GPC5: variants seen among roughly 807,000 people sequenced by gnomAD.
GPC5 encodes glypican 5.
A neutral mutation model predicts 53.9 loss-of-function variants in GPC5; 47 were observed. That is an observed-to-expected ratio of 0.87 (90% CI 0.69 to 1.11). The LOEUF (loss-of-function observed/expected upper bound fraction) is 1.11. Ranked by LOEUF, GPC5 falls within the 50% of genes most tolerant of loss-of-function variation. GPC5 has a pLI of 0.00. For synonymous variants in GPC5, 286 were observed against 263.3 expected (o/e 1.09, Z -0.84); for missense variants, 748 against 713.1 (o/e 1.05, Z -0.56).
At chr13:91,517,500 C>G (rs896341178) in intron 2 of GPC5, among the ~76,000 whole-genome samples, 1 of 152,156 alleles carries the variant, frequency 6.6e-6, no homozygotes, top group Non-Finnish European at 1.5e-5. Flanking sequence ...ATATCATTAT[C>G]AGCATTTTGG....
chr13:92,000,997 G>A (rs577102671), intron 6 of GPC5, among the ~76,000 whole-genome samples: 2 of 134,442 alleles, frequency 1.5e-5, no homozygotes, highest in Admixed American at 6.9e-5. Context: ...AGCTGTATTG[G>A]CTTTCACCAT....
chr13:92,557,540 T>C (rs375487237), intron 7 of GPC5, among the ~76,000 whole-genome samples: 2 of 152,022 alleles, frequency 1.3e-5, no homozygotes, highest in African/African-American at 2.4e-5. Flanking sequence ...AAACACATTT[T>C]AAAACTTTTT....
chr13:92,600,698 G>T (rs1160562516), intron 7 of GPC5, among the ~76,000 whole-genome samples: 1 of 150,158 alleles, frequency 6.7e-6, no homozygotes, highest in Non-Finnish European at 1.5e-5. Flanking sequence ...CTAGAGATGG[G>T]GTTTCACCCT....
chr13:92,224,690 C>T (rs2042472281), intron 7 of GPC5, among the ~76,000 whole-genome samples: 1 of 152,158 alleles, frequency 6.6e-6, no homozygotes, highest in African/African-American at 2.4e-5. Flanking sequence ...AATGACAGTT[C>T]CACAACCACA....
In GPC5 at chr13:91,401,438, AG is replaced by A. The variant is rs551581871; in HGVS notation, c.163+2230del. Among the ~76,000 whole-genome samples the A allele has an allele frequency of 6.9e-4, 105 of 152,318 alleles. 1 individual carries two copies. Among genetic ancestry groups the A allele is most frequent in the African/African-American group, 2.3e-3 (94 of 41,576 alleles). ...TGGTAATTGACTATCATATTTTCTA[AG>A]ATTATCCTCAATCTCAAGAGAGAAC... On this transcript the variant is annotated intron_variant, in intron 1 of 7. Coordinates refer to ENST00000377067, the MANE Select transcript of GPC5 (RefSeq NM_004466.6).
chr13:92,120,370 G>A (rs1043468788), intron 6 of GPC5, among the ~76,000 whole-genome samples: 2 of 152,064 alleles, frequency 1.3e-5, no homozygotes, highest in African/African-American at 4.8e-5. Flanking sequence ...TAATCCTCCT[G>A]CTTCAGCCTC....
chr13:91,444,863 G>C (rs942654751), intron 1 of GPC5, among the ~76,000 whole-genome samples: 2 of 152,138 alleles, frequency 1.3e-5, no homozygotes, highest in African/African-American at 4.8e-5. Context: ...TGCTGTAGGA[G>C]CCCCGCTTTA....
At chr13:91,988,965 T>C (rs68111552) in intron 6 of GPC5, among the ~76,000 whole-genome samples, 4,667 of 151,972 alleles carry the variant, frequency 0.031, 174 homozygotes, top group Middle Eastern at 0.044. Context: ...TAATTGTACA[T>C]ATAGAACACT....
intron 5 of GPC5, among the ~76,000 whole-genome samples, chr13:91,776,497 C>A (rs1409896849): frequency 6.6e-6 from 1 of 152,152 alleles, no homozygotes; most frequent in Non-Finnish European, 1.5e-5. Context: ...TGTATTATCT[C>A]CTCATAGCAA....
At chr13:92,389,170 A>G (rs1375911340) in intron 7 of GPC5, among the ~76,000 whole-genome samples, 1 of 152,186 alleles carries the variant, frequency 6.6e-6, no homozygotes, top group Non-Finnish European at 1.5e-5. Flanking sequence ...GACCACATTT[A>G]TACTGTACAA....
At chr13:92,647,039 G>C (rs1374386821) in intron 7 of GPC5, among the ~76,000 whole-genome samples, 1 of 150,910 alleles carries the variant, frequency 6.6e-6, no homozygotes, top group African/African-American at 2.4e-5. Flanking sequence ...TAGCCTTTTT[G>C]AGATTTTCTA....
At chr13:91,671,780 CAAAAAAAAAAAAAA>C (rs55758033) in intron 2 of GPC5, among the ~76,000 whole-genome samples, 3 of 33,124 alleles carry the variant, frequency 9.1e-5, no homozygotes, top group Non-Finnish European at 1.2e-4. Flanking sequence ...CAATCTGAAG[CAAAAAAAAAAAAAA>C]AAAAAAAAAA....
chr13:91,847,682 G>C (rs1195888085), intron 5 of GPC5, among the ~76,000 whole-genome samples: 1 of 152,114 alleles, frequency 6.6e-6, no homozygotes, highest in African/African-American at 2.4e-5. Context: ...TACAGGAAGA[G>C]ACACCAGATT....
chr13:92,307,848 T>A (rs994617281), intron 7 of GPC5, among the ~76,000 whole-genome samples: 6 of 152,224 alleles, frequency 3.9e-5, no homozygotes, highest in Non-Finnish European at 5.9e-5. Flanking sequence ...CAGTAAGTGG[T>A]TAAATTACTT....
intron 7 of GPC5, among the ~76,000 whole-genome samples, chr13:92,242,788 A>G (rs969205968): frequency 6.6e-6 from 1 of 152,116 alleles, no homozygotes; most frequent in African/African-American, 2.4e-5. Flanking sequence ...AATAGCCCCA[A>G]TACTAGGCAT....
chr13:91,737,385 C>T (rs2036838496), intron 4 of GPC5, among the ~76,000 whole-genome samples: 1 of 151,204 alleles, frequency 6.6e-6, no homozygotes, highest in Non-Finnish European at 1.5e-5. Flanking sequence ...TTGAGTAATT[C>T]CCAAGAGAAT....
At chr13:92,644,085 T>G (rs947809738) in intron 7 of GPC5, among the ~76,000 whole-genome samples, 1 of 152,164 alleles carries the variant, frequency 6.6e-6, no homozygotes, top group African/African-American at 2.4e-5. Context: ...ATAAGCCTAT[T>G]GATAATTTGT....
At chr13:91,415,135 A>G (rs573420689) in intron 1 of GPC5, among the ~76,000 whole-genome samples, 5 of 152,106 alleles carry the variant, frequency 3.3e-5, no homozygotes, top group Non-Finnish European at 7.4e-5. Flanking sequence ...GCATGCTAAC[A>G]ATTGAAGGCT....
At chr13:92,772,159 C>T (rs1485538822) in intron 7 of GPC5, among the ~76,000 whole-genome samples, 1 of 152,108 alleles carries the variant, frequency 6.6e-6, no homozygotes, top group African/African-American at 2.4e-5. Flanking sequence ...CACCTGGGCC[C>T]CTGAAATAGC....
Sources: allele counts gnomAD v4.1 joint callset (sites outside exome capture counted in the v4.1 genomes callset), GRCh38; gene constraint gnomAD v4.1.1; transcripts MANE v1.5; gene names NCBI Gene and HGNC (gene_info 2026-07-23, HGNC 2026-07-21).